Variants in CC2D1B observed in about 807,000 individuals in gnomAD.
CC2D1B encodes the protein coiled-coil and C2 domain-containing protein 1B.
Under a neutral mutation model 110.8 loss-of-function variants are expected in CC2D1B, and 92 were observed. The ratio of observed to expected loss-of-function variants is 0.83; its 90% confidence interval spans 0.70 to 0.99. The LOEUF (loss-of-function observed/expected upper bound fraction) is 0.99, where lower values mean the gene tolerates loss of function less well. CC2D1B is among the 50% of genes least tolerant of loss of function. CC2D1B has a pLI of 0.00. For synonymous variants in CC2D1B, 406 were observed against 429.2 expected, an observed-to-expected ratio of 0.95 and a Z score of 0.67; for missense variants, 1,136 against 1,089.0, an observed-to-expected ratio of 1.04 and a Z score of -0.61.
In CC2D1B at chr1:52,352,913, A is replaced by G; in HGVS notation, c.*312T>C. 4.1e-6 allele frequency: 1 copy of G among 244,618 alleles called. No individual in the cohort carries two copies. Among genetic ancestry groups the G allele is most frequent in the South Asian group, 4.3e-5 (1 of 23,034 alleles). The allele number at this position is 244,618 out of a possible 1,614,324, so 15.2% of individuals were successfully genotyped here. A position where few individuals can be genotyped will look rare whatever the true frequency, so the allele number is the denominator to read the frequency against. On this transcript the variant is annotated 3_prime_UTR_variant, in exon 25 of 25. Transcript: ENST00000284376. ...CAGGGGTAAGCTGTACACAGTTGCC[A>G]CGCAGGGGTTAAGGGGCTGCAGGAC...
At chr1:52,354,437 C>A (rs753058125) in intron 23 of CC2D1B, 171 bp downstream of exon 23, 2 of 726,332 alleles carry the variant, frequency 2.8e-6, no homozygotes, top group African/African-American at 1.7e-5. Flanking sequence ...ATTTCTCAGA[C>A]CTTCTGAACC....
rs1646727373 is a variant in CC2D1B at position 52,359,330 on chromosome 1, G to A, written c.1046C>T (p.Ala349Val). The A allele has an allele frequency of 6.2e-7, 1 of 1,613,472 alleles. No individual in the cohort carries two copies. The highest frequency in any genetic ancestry group is 8.5e-7 in the Non-Finnish European group (1 of 1,179,890). ...GGGAATGACTGAGGGTGCTGTGGGA[G>A]CCTGAGAAGCCTGCTGGGGCTTCAG... is the stretch of plus-strand genomic sequence containing the variant. Reference protein sequence around the residue: ...EDLKPQQASQAPTAPSVIPPA... With the variant: ...EDLKPQQASQVPTAPSVIPPA... The change falls in exon 10 of 25, where the codon GCT becomes GTT. Residue 349 changes from alanine to valine, a missense_variant. Physicochemically the swap from Ala to Val is moderately conservative, Grantham distance 64. Coordinates refer to ENST00000284376, the MANE Select transcript of CC2D1B (RefSeq NM_001330585.2).
In CC2D1B at chr1:52,357,767, T is replaced by C; in HGVS notation, c.1579+14A>G. ...TAGGCCCTCAGTTCTTCACCCTGCT[T>C]GTCCCCAACTCACCAGATGGACTCG... On this transcript the variant is annotated intron_variant, in intron 14 of 24. Coordinates refer to ENST00000284376, the MANE Select transcript of CC2D1B (RefSeq NM_001330585.2). 1.3e-6 allele frequency: 2 copies of C among 1,595,790 alleles called. No homozygotes were observed. The highest frequency in any genetic ancestry group is 2.3e-5 in the South Asian group (2 of 88,642).
Position 52,361,616 on chromosome 1 carries a change from GC to G in CC2D1B, c.215-1del. 6.2e-7 allele frequency: 1 copy of G among 1,613,700 alleles called. No homozygotes were observed. The highest frequency in any genetic ancestry group is 8.5e-7 in the Non-Finnish European group (1 of 1,180,008). On this transcript the variant is annotated splice_acceptor_variant, in intron 3 of 24. Transcript: ENST00000284376. LOFTEE classifies it high-confidence loss of function. The stretch of plus-strand genomic sequence containing the variant: ...CTCGATGTGGGCCATGGGCAGGGGG[GC>G]TGGGGGAAAAAGGTCACAACAAGTC...
At chr1:52,357,965 C>G (rs367609213) in intron 13 of CC2D1B, 67 bp from the exon 14 acceptor site, 81 of 1,514,472 alleles carry the variant, frequency 5.3e-5, no homozygotes, top group Non-Finnish European at 6.7e-5. Context: ...GGCTCCCAGA[C>G]TTGGGCTGTC....
At chr1:52,362,481 G>T in intron 3 of CC2D1B, 121 bp downstream of exon 3, 1 of 1,201,642 alleles carries the variant, frequency 8.3e-7, no homozygotes. Flanking sequence ...GAGTGCGGCA[G>T]ATGGGTATTG....
At chr1:52,358,483 G>A (rs1646703733) in intron 12 of CC2D1B, 22 bp from the exon 13 acceptor site, 4 of 1,612,622 alleles carry the variant, frequency 2.5e-6, no homozygotes, top group Non-Finnish European at 3.4e-6. Context: ...AGACAGCATG[G>A]GAGGGGCAGG....
chr1:52,358,617 GCTGT>G, intron 12 of CC2D1B, 65 bp downstream of exon 12: 2 of 1,563,118 alleles, frequency 1.3e-6, no homozygotes, highest in Non-Finnish European at 1.8e-6. Flanking sequence ...GGAATCACTG[GCTGT>G]CCCCCATTCC....
intron 6 of CC2D1B, 50 bp from the exon 7 acceptor site, chr1:52,360,283 C>T (rs772388079): frequency 1.9e-6 from 3 of 1,609,090 alleles, no homozygotes; most frequent in South Asian, 1.1e-5. Context: ...TCAGCCCAGA[C>T]CCTGCTCCAA....
rs555132518 is a variant in CC2D1B at position 52,351,275 on chromosome 1, T to C, written c.*1950A>G. The C allele has an allele frequency of 8.5e-5, 13 of 152,348 alleles. No homozygotes were observed. Among genetic ancestry groups the C allele is most frequent in the African/African-American group, 2.6e-4 (11 of 41,574 alleles). The allele number at this position is 152,348 out of a possible 1,614,324, so 9.4% of individuals were successfully genotyped here. On this transcript the variant is annotated 3_prime_UTR_variant, in exon 25 of 25. Transcript: ENST00000284376. ...GTTGCAAAGGAGAAACCTTTAGAGC[T>C]ATAGAAAACTTTCTATCTATCGAAA...
chr1:52,358,967 CAG>C, intron 11 of CC2D1B, 58 bp downstream of exon 11: 1 of 1,588,046 alleles, frequency 6.3e-7, no homozygotes, highest in Non-Finnish European at 8.6e-7. Context: ...ACCAGGGAGA[CAG>C]AGCACCCAGC....
chr1:52,362,922 G>C (rs1187661943), intron 2 of CC2D1B, among the ~76,000 whole-genome samples, 176 bp from the exon 3 acceptor site: 2 of 152,066 alleles, frequency 1.3e-5, no homozygotes, highest in Non-Finnish European at 2.9e-5. Context: ...TACCTTCCTA[G>C]GGACTCAACA....
intron 2 of CC2D1B, among the ~76,000 whole-genome samples, chr1:52,363,160 C>T (rs562430156): frequency 4.6e-5 from 7 of 151,716 alleles, no homozygotes; most frequent in South Asian, 2.1e-4. Flanking sequence ...TTTGGGAGGC[C>T]GAGGCGGGTG....
chr1:52,362,845 C>A, intron 2 of CC2D1B, 99 bp from the exon 3 acceptor site: 1 of 1,258,312 alleles, frequency 7.9e-7, no homozygotes, highest in South Asian at 1.4e-5. Flanking sequence ...ATCAGTGGCT[C>A]CTTCAGTCTG....
rs755714522 is a variant in CC2D1B at position 52,356,169 on chromosome 1, T to G, written c.2054+17A>C. On this transcript the variant is annotated intron_variant, in intron 18 of 24. Coordinates refer to ENST00000284376, the MANE Select transcript of CC2D1B (RefSeq NM_001330585.2). ...CCCCTCCCTGCCTGGAGCCCCTGTT[T>G]CCCTAGGCCTTGGTACCTCACAGTC... 49 of 1,559,794 alleles carry G rather than the reference T, an allele frequency of 3.1e-5. No homozygotes were observed. In the Admixed American group the frequency reaches 8.2e-4, roughly 26 times the overall value.
intron 24 of CC2D1B, 43 bp downstream of exon 24, chr1:52,353,475 A>C (rs751028440): frequency 2.6e-5 from 41 of 1,571,812 alleles, no homozygotes; most frequent in Admixed American, 1.6e-4. Context: ...TAGTTGAGTA[A>C]AAGGAGGGGG....
intron 4 of CC2D1B, 36 bp from the exon 5 acceptor site, chr1:52,361,168 C>T (rs1288924445): frequency 3.1e-6 from 5 of 1,612,124 alleles, no homozygotes; most frequent in Admixed American, 1.7e-5. Context: ...AGCTTGGGGG[C>T]CTCAAGACCA....
intron 16 of CC2D1B, chr1:52,356,721 G>A (rs954423097): frequency 8.3e-6 from 5 of 599,334 alleles, no homozygotes; most frequent in African/African-American, 5.6e-5. Flanking sequence ...TCCAGAACAG[G>A]TGGCAGTTCA....
intron 6 of CC2D1B, 26 bp downstream of exon 6, chr1:52,360,398 C>T: frequency 1.2e-6 from 2 of 1,611,482 alleles, no homozygotes; most frequent in Non-Finnish European, 8.5e-7. Context: ...CCTCCCCTGC[C>T]CTGCTCCCAG....
Sources: allele counts gnomAD v4.1 joint callset (sites outside exome capture counted in the v4.1 genomes callset), GRCh38; gene constraint gnomAD v4.1.1; transcripts MANE v1.5; gene names NCBI Gene and HGNC (gene_info 2026-07-23, HGNC 2026-07-21).